The following CALN1 variants were observed in gnomAD, a reference collection of about 807,000 sequenced individuals.
CALN1 encodes calcium-binding protein 8.
Under a neutral mutation model 30.6 loss-of-function variants are expected in CALN1, and 17 were observed. The ratio of observed to expected loss-of-function variants is 0.56; its 90% CI spans 0.38 to 0.83. CALN1 has a LOEUF of 0.83. Ranked by LOEUF, CALN1 falls within the 40% of genes least tolerant of loss-of-function variation. The probability of loss-of-function intolerance (pLI) is 0.00; values close to 1 mark genes in which losing one functional copy is unlikely to be tolerated. For missense variants in CALN1, 291 were observed against 354.9 expected (o/e 0.82, Z 1.45); for synonymous variants, 156 against 131.4 (o/e 1.19, Z -1.28).
At chr7:72,027,723 A>T (rs1334645725) in intron 4 of CALN1, among the ~76,000 whole-genome samples, 2 of 85,704 alleles carry the variant, frequency 2.3e-5, no homozygotes, top group African/African-American at 1.6e-4. Context: ...AAACAAACAA[A>T]CAAACACACA....
In CALN1 at chr7:71,785,555, G is replaced by T. The variant is rs1424851403; in HGVS notation, c.*2220C>A. 1 of 152,082 alleles carries T rather than the reference G, an allele frequency of 6.6e-6. No homozygotes were observed. The highest frequency in any genetic ancestry group is 1.9e-4 in the East Asian group (1 of 5,172). 9.4% of individuals were successfully genotyped at this position (152,082 alleles called of 1,614,324 possible). A position where few individuals can be genotyped will look rare whatever the true frequency, so the allele number is the denominator to read the frequency against. ...GGGGCTTTGAAGAATCATCCCTGGGGTTTCTACCCAGTCTACTTAGGGTCC... is the reference window on the plus strand; with the variant it reads ...GGGGCTTTGAAGAATCATCCCTGGGTTTTCTACCCAGTCTACTTAGGGTCC... On this transcript the variant is annotated 3_prime_UTR_variant, in exon 7 of 7. Transcript: ENST00000395275.
chr7:72,047,952 G>A (rs1402573077), intron 4 of CALN1, among the ~76,000 whole-genome samples: 2 of 152,094 alleles, frequency 1.3e-5, no homozygotes, highest in Admixed American at 1.3e-4. Flanking sequence ...CATGATGTGA[G>A]CAAAGTAAGA....
chr7:72,491,281 G>T, the CALN1 span, among the ~76,000 whole-genome samples: 1 of 151,582 alleles, frequency 6.6e-6, no homozygotes, highest in East Asian at 2.0e-4. Context: ...TCAAAAATTG[G>T]TGGTTGCCCA....
chr7:72,294,527 A>G (rs2129555166), intron 2 of CALN1, among the ~76,000 whole-genome samples: 1 of 152,108 alleles, frequency 6.6e-6, no homozygotes, highest in South Asian at 2.1e-4. Flanking sequence ...AGACAGGAGG[A>G]TAACTTGAGG....
chr7:72,477,136 A>T, the CALN1 span, among the ~76,000 whole-genome samples: 1 of 152,026 alleles, frequency 6.6e-6, no homozygotes, highest in Non-Finnish European at 1.5e-5. Context: ...GCATGAACCC[A>T]GGTGGCGGAG....
At chr7:72,393,756 T>C (rs1805738690) in intron 2 of CALN1, among the ~76,000 whole-genome samples, 2 of 150,768 alleles carry the variant, frequency 1.3e-5, no homozygotes, top group South Asian at 4.2e-4. Context: ...TTTTTTTTTT[T>C]TTTTCTATTT....
intron 5 of CALN1, among the ~76,000 whole-genome samples, chr7:71,846,588 TC>T (rs1455652906): frequency 1.3e-5 from 2 of 151,714 alleles, no homozygotes; most frequent in Non-Finnish European, 2.9e-5. Flanking sequence ...CTTTTTGTTT[TC>T]CCCCATTTAC....
chr7:72,316,779 T>TA (rs778825266), intron 2 of CALN1, among the ~76,000 whole-genome samples: 3 of 151,702 alleles, frequency 2.0e-5, no homozygotes, highest in African/African-American at 4.8e-5. Flanking sequence ...ACCCTGTTTC[T>TA]ACAAAAAACT....
At chr7:71,859,279 A>T (rs1791133799) in intron 5 of CALN1, among the ~76,000 whole-genome samples, 1 of 151,400 alleles carries the variant, frequency 6.6e-6, no homozygotes, top group African/African-American at 2.4e-5. Context: ...GCCAGGCTGG[A>T]CTCCAACTCC....
chr7:72,461,924 C>T, the CALN1 span, among the ~76,000 whole-genome samples: 1 of 152,038 alleles, frequency 6.6e-6, no homozygotes, highest in Non-Finnish European at 1.5e-5. Context: ...AGGAGAATTG[C>T]TTGAGCCCGG....
chr7:71,993,787 A>G (rs1377834344), intron 5 of CALN1, among the ~76,000 whole-genome samples: 5 of 151,736 alleles, frequency 3.3e-5, no homozygotes, highest in African/African-American at 1.2e-4. Context: ...GGAAAAGCAC[A>G]CCACACAAAA....
At chr7:72,484,235 T>A in the CALN1 span, among the ~76,000 whole-genome samples, 1 of 151,472 alleles carries the variant, frequency 6.6e-6, no homozygotes, top group Admixed American at 6.6e-5. Flanking sequence ...CCTTGTTGGA[T>A]GCTGGCTATT....
chr7:72,405,220 T>C (rs1425670729), intron 1 of CALN1, among the ~76,000 whole-genome samples: 1 of 152,042 alleles, frequency 6.6e-6, no homozygotes, highest in Non-Finnish European at 1.5e-5. Flanking sequence ...AAGCAAGAAG[T>C]CACATCTCAC....
At chr7:71,971,956 AGAAAG>A (rs1562946638) in intron 5 of CALN1, among the ~76,000 whole-genome samples, 6 of 83,502 alleles carry the variant, frequency 7.2e-5, no homozygotes, top group Non-Finnish European at 1.0e-4. Flanking sequence ...AAAAAAAAAA[AGAAAG>A]AAAGAAAGAA....
chr7:72,354,828 C>T (rs1016713366), intron 2 of CALN1, among the ~76,000 whole-genome samples: 5 of 151,860 alleles, frequency 3.3e-5, no homozygotes, highest in African/African-American at 7.3e-5. Context: ...AAGATAAAGC[C>T]GCAAAACTTT....
At chr7:72,177,234 CTTA>C (rs952122416) in intron 3 of CALN1, among the ~76,000 whole-genome samples, 1 of 152,118 alleles carries the variant, frequency 6.6e-6, no homozygotes, top group African/African-American at 2.4e-5. Context: ...GTAGCCCCTT[CTTA>C]TTGTTATTTC....
At chr7:72,339,185 T>C (rs12539798) in intron 2 of CALN1, among the ~76,000 whole-genome samples, 1 of 152,238 alleles carries the variant, frequency 6.6e-6, no homozygotes, top group Non-Finnish European at 1.5e-5. Context: ...TGCTCCATTG[T>C]GTACATGTCC....
chr7:72,377,823 T>G (rs1804659051), intron 2 of CALN1, among the ~76,000 whole-genome samples: 1 of 152,176 alleles, frequency 6.6e-6, no homozygotes, highest in Non-Finnish European at 1.5e-5. Flanking sequence ...GTCTTCACTT[T>G]CTACCTGCGT....
intron 5 of CALN1, among the ~76,000 whole-genome samples, chr7:72,006,838 C>T (rs912907824): frequency 1.3e-5 from 2 of 152,132 alleles, no homozygotes; most frequent in Non-Finnish European, 2.9e-5. Flanking sequence ...AACCCTAGTC[C>T]GAGTCATCCG....
Sources: allele counts gnomAD v4.1 joint callset (sites outside exome capture counted in the v4.1 genomes callset), GRCh38; gene constraint gnomAD v4.1.1; transcripts MANE v1.5; gene names NCBI Gene and HGNC (gene_info 2026-07-23, HGNC 2026-07-21).